SYT7: variants seen among roughly 807,000 people sequenced by gnomAD.
The protein encoded by SYT7 is synaptotagmin-7.
SYT7 carries 29 observed loss-of-function variants against 75.1 expected under a neutral mutation model. That is an observed-to-expected ratio of 0.39 (90% CI 0.29 to 0.53). The LOEUF (loss-of-function observed/expected upper bound fraction) is 0.53, where lower values mean the gene tolerates loss of function less well. Among genes scored for constraint, SYT7 ranks in the 20% least tolerant of loss-of-function variants. The probability of loss-of-function intolerance (pLI) is 0.77; values close to 1 mark genes in which losing one functional copy is unlikely to be tolerated. For missense variants in SYT7, 693 were observed against 953.2 expected (o/e 0.73, Z 3.59); for synonymous variants, 376 against 401.7 (o/e 0.94, Z 0.76).
At chr11:61,583,130 G>A (rs1028434980), upstream of SYT7, among the ~76,000 whole-genome samples, 5 of 151,964 alleles carry the variant, frequency 3.3e-5, no homozygotes, top group Non-Finnish European at 5.9e-5. Context: ...GGGAGGCTGC[G>A]ACGGGAGGAT....
the SYT7 span, among the ~76,000 whole-genome samples, chr11:61,586,269 G>T: frequency 6.6e-6 from 1 of 152,164 alleles, no homozygotes; most frequent in Non-Finnish European, 1.5e-5. Context: ...ATTGAAGTTG[G>T]TATTCCTTCT....
chr11:61,521,791 T>G (rs1252121921), intron 12 of SYT7, among the ~76,000 whole-genome samples: 1 of 152,200 alleles, frequency 6.6e-6, no homozygotes, highest in Non-Finnish European at 1.5e-5. Flanking sequence ...GAGCACTGGT[T>G]CCTCACATAC....
At position 61,523,363 on chromosome 11, in the gene SYT7, C is replaced by A; in HGVS notation, c.1757-89G>T. 7.6e-7 allele frequency: 1 copy of A among 1,318,126 alleles called. No individual in the cohort carries two copies. Among genetic ancestry groups the A allele is most frequent in the Non-Finnish European group, 1.1e-6 (1 of 921,902 alleles). 81.7% of individuals were successfully genotyped at this position (1,318,126 alleles called of 1,614,324 possible). On this transcript the variant is annotated intron_variant, in intron 11 of 12. Coordinates refer to ENST00000539008, the MANE Select transcript of SYT7 (RefSeq NM_001365809.2). This position sits in a 1 kb window ranked among gnomAD's most constrained non-coding sequence, Gnocchi z 5.0. ...CCCCTTCCAGGAATGGAAGCTGAGG[C>A]AGGAGGGCCGTGTGCTTTCCCCAGA...
chr11:61,537,316 C>A (rs2062896175), intron 7 of SYT7, among the ~76,000 whole-genome samples: 1 of 152,164 alleles, frequency 6.6e-6, no homozygotes, highest in East Asian at 1.9e-4. Context: ...CCCACCCTAC[C>A]CCTTGCCCAT....
chr11:61,539,380 G>A (rs2062976783), intron 6 of SYT7: 1 of 152,200 alleles, frequency 6.6e-6, no homozygotes, highest in Non-Finnish European at 1.5e-5. Context: ...TTTGCCAGGG[G>A]GGGAGAAGGG....
rs184647636 is a variant in SYT7 at position 61,554,242 on chromosome 11, G to A, written c.135+1862C>T. ...ACTGGAGGTGCATGGGGGTGGGGTGGAGACCAGTTACAGTTGTACCTGGGT... is the reference window on the plus strand; with the variant it reads ...ACTGGAGGTGCATGGGGGTGGGGTGAAGACCAGTTACAGTTGTACCTGGGT... On this transcript the variant is annotated intron_variant, in intron 2 of 12. Transcript: ENST00000539008. 6.5e-3 allele frequency among the ~76,000 whole-genome samples: 992 copies of A among 152,112 alleles called. 4 individuals carry two copies. The highest frequency in any genetic ancestry group is 9.4e-3 in the Non-Finnish European group (642 of 67,984).
At chr11:61,543,993 T>C (rs2063117490) in intron 5 of SYT7, among the ~76,000 whole-genome samples, 1 of 152,236 alleles carries the variant, frequency 6.6e-6, no homozygotes, top group African/African-American at 2.4e-5. Context: ...GTGGGCCACA[T>C]CTAGCCTGCT....
chr11:61,581,062 G>T lies in SYT7; in HGVS notation c.-242C>A. 1.8e-6 allele frequency: 1 copy of T among 548,108 alleles called. No homozygotes were observed. Among genetic ancestry groups the T allele is most frequent in the Non-Finnish European group, 2.3e-6 (1 of 432,814 alleles). The allele number at this position is 548,108 out of a possible 1,614,324, so 34.0% of individuals were successfully genotyped here. ...GCGCCGAGCCGCCTCCCTCCGGCCT[G>T]CGCGCCGCGTGTGCGCGCCGGAGCG... is the stretch of plus-strand genomic sequence containing the variant. On this transcript the variant is annotated 5_prime_UTR_variant, in exon 1 of 13. Transcript: ENST00000539008.
chr11:61,523,394 G>T lies in SYT7; in HGVS notation c.1757-120C>A. 1 of 972,452 alleles carries T rather than the reference G, an allele frequency of 1.0e-6. No individual in the cohort carries two copies. The highest frequency in any genetic ancestry group is 1.6e-6 in the Non-Finnish European group (1 of 634,058). The allele number at this position is 972,452 out of a possible 1,614,324, so 60.2% of individuals were successfully genotyped here. ...GGCCGTGTGCTTTCCCCAGAGGCAA[G>T]GAAAGACCCAGGCAAGAACAAGAGG... On this transcript the variant is annotated intron_variant, in intron 11 of 12. Coordinates refer to ENST00000539008, the MANE Select transcript of SYT7 (RefSeq NM_001365809.2). The surrounding 1 kb of genome is among the most constrained non-coding windows in gnomAD (Gnocchi z 5.0).
intron 9 of SYT7, among the ~76,000 whole-genome samples, chr11:61,527,647 T>C (rs2062560436): frequency 6.6e-6 from 1 of 152,158 alleles, no homozygotes; most frequent in Non-Finnish European, 1.5e-5. Flanking sequence ...TGTGACCTGA[T>C]CCCAACTAGA....
At chr11:61,531,786 C>T (rs1227447101) in intron 8 of SYT7, among the ~76,000 whole-genome samples, 2 of 146,178 alleles carry the variant, frequency 1.4e-5, no homozygotes, top group African/African-American at 5.1e-5. Flanking sequence ...CCCAGCTACT[C>T]GGGAGGCTGA....
At chr11:61,572,610 G>C (rs1482647860) in intron 1 of SYT7, among the ~76,000 whole-genome samples, 3 of 152,304 alleles carry the variant, frequency 2.0e-5, no homozygotes, top group Non-Finnish European at 4.4e-5. Context: ...TTGCAAGACT[G>C]CTGTGAAGAT....
intron 1 of SYT7, among the ~76,000 whole-genome samples, chr11:61,568,420 G>A (rs955377123): frequency 7.2e-5 from 11 of 152,156 alleles, no homozygotes; most frequent in African/African-American, 2.7e-4. Flanking sequence ...ATCATTTATT[G>A]AGCACTTACT....
Position 61,523,356 on chromosome 11 carries a change from G to T in SYT7, c.1757-82C>A. On this transcript the variant is annotated intron_variant, in intron 11 of 12. Transcript: ENST00000539008. The surrounding 1 kb of genome is among the most constrained non-coding windows in gnomAD (Gnocchi z 5.0). ...TCCTTTTCCCCTTCCAGGAATGGAA[G>T]CTGAGGCAGGAGGGCCGTGTGCTTT... 1.4e-6 allele frequency: 2 copies of T among 1,392,532 alleles called. No homozygotes were observed. The highest frequency in any genetic ancestry group is 2.0e-6 in the Non-Finnish European group (2 of 985,944). 86.3% of individuals were successfully genotyped at this position (1,392,532 alleles called of 1,614,324 possible).
intron 8 of SYT7, chr11:61,531,066 C>T: frequency 1.0e-6 from 1 of 985,458 alleles, no homozygotes; most frequent in East Asian, 1.1e-4. Flanking sequence ...ACTCTTGTCT[C>T]TTGACCCCCA....
At chr11:61,527,461 G>C (rs539144086) in intron 9 of SYT7, among the ~76,000 whole-genome samples, 1 of 152,336 alleles carries the variant, frequency 6.6e-6, no homozygotes, top group African/African-American at 2.4e-5. Context: ...GCCACAGCCT[G>C]TGCACTGAAC....
At chr11:61,539,333 C>T (rs1038115475) in intron 6 of SYT7, among the ~76,000 whole-genome samples, 2 of 152,154 alleles carry the variant, frequency 1.3e-5, no homozygotes, top group Non-Finnish European at 2.9e-5. Flanking sequence ...AGAGAACCAT[C>T]GGGCAACTTG....
At chr11:61,541,661 T>C (rs762087364) in intron 6 of SYT7, among the ~76,000 whole-genome samples, 4 of 138,622 alleles carry the variant, frequency 2.9e-5, no homozygotes, top group Non-Finnish European at 6.0e-5. Context: ...CAGGTGGCTA[T>C]AGAAGGTCAG....
rs1484265747 is a variant in SYT7 at position 61,516,191 on chromosome 11, A to G, written c.*2436T>C. The stretch of plus-strand genomic sequence containing the variant: ...CCCCGCCCCATCCCATACCACCCTT[A>G]CCTCCCGTGCTAGCCTACCCGGCCC... On this transcript the variant is annotated 3_prime_UTR_variant, in exon 13 of 13. Coordinates refer to ENST00000539008, the MANE Select transcript of SYT7 (RefSeq NM_001365809.2). This position sits in a 1 kb window ranked among gnomAD's most constrained non-coding sequence, Gnocchi z 4.6. The G allele has an allele frequency of 7.2e-6, 1 of 138,626 alleles. No individual in the cohort carries two copies. Among genetic ancestry groups the G allele is most frequent in the Non-Finnish European group, 1.5e-5 (1 of 64,848 alleles). 8.6% of individuals were successfully genotyped at this position (138,626 alleles called of 1,614,324 possible).
Sources: gnomAD v4.1 joint callset for allele counts (sites outside exome capture counted in the v4.1 genomes callset) on GRCh38, gnomAD v4.1.1 for gene constraint, Gnocchi (gnomAD v3.1) non-coding constraint, MANE v1.5 for transcripts, NCBI Gene and HGNC (gene_info 2026-07-23, HGNC 2026-07-21) for gene names.